Variants in ALDH5A1 observed in about 807,000 individuals in gnomAD.
ALDH5A1 encodes succinate-semialdehyde dehydrogenase, mitochondrial.
In ALDH5A1, 33 loss-of-function variants were observed where a neutral mutation model predicts 54.7. That is an observed-to-expected ratio of 0.60 (90% CI 0.46 to 0.81). The LOEUF (loss-of-function observed/expected upper bound fraction) is 0.81, where lower values mean the gene tolerates loss of function less well. Among genes scored for constraint, ALDH5A1 ranks in the 30% least tolerant of loss-of-function variants. ALDH5A1 has a pLI of 0.00. For missense variants in ALDH5A1, 657 were observed against 711.0 expected, an observed-to-expected ratio of 0.92 and a Z score of 0.86; for synonymous variants, 294 against 292.7, an observed-to-expected ratio of 1.00 and a Z score of -0.05.
chr6:24,529,765 G>A (rs1485016414), intron 8 of ALDH5A1, among the ~76,000 whole-genome samples: 1 of 64,998 alleles, frequency 1.5e-5, no homozygotes, highest in African/African-American at 3.3e-5. Flanking sequence ...TCTGCCTCTT[G>A]GGTTCAAGCG....
intron 4 of ALDH5A1, among the ~76,000 whole-genome samples, chr6:24,510,532 C>T (rs1341123996): frequency 2.6e-5 from 4 of 152,112 alleles, no homozygotes; most frequent in South Asian, 2.1e-4. Flanking sequence ...TCCTGTTGAA[C>T]GAGGCCTTTT....
At chr6:24,499,936 G>A (rs940607323) in intron 1 of ALDH5A1, among the ~76,000 whole-genome samples, 19 of 152,000 alleles carry the variant, frequency 1.3e-4, no homozygotes, top group African/African-American at 4.4e-4. Flanking sequence ...TGGGATTACA[G>A]GCACGAGCCA....
Position 24,520,446 on chromosome 6 carries a change from G to A in ALDH5A1, c.916G>A (p.Glu306Lys). 1.2e-6 allele frequency: 2 copies of A among 1,614,150 alleles called. No individual in the cohort carries two copies. Among genetic ancestry groups the A allele is most frequent in the Non-Finnish European group, 1.7e-6 (2 of 1,180,030 alleles). ...AAACTCTGTGAAAAGGGTCTCTATG[G>A]AGCTGGGCGGCCTTGCTCCATTTAT... is the stretch of plus-strand genomic sequence containing the variant. ...AANSVKRVSM[E>K]LGGLAPFIVF... is the part of the protein sequence containing the mutation. The change falls in exon 6 of 10, where the codon GAG becomes AAG. Residue 306 changes from glutamate to lysine, a missense_variant. By Grantham distance (56) the Glu-to-Lys change is moderately conservative. Coordinates refer to ENST00000357578, the MANE Select transcript of ALDH5A1 (RefSeq NM_001080.3).
intron 7 of ALDH5A1, among the ~76,000 whole-genome samples, chr6:24,526,903 A>ATATATATT (rs1491310996): frequency 1.6e-5 from 1 of 62,254 alleles, no homozygotes; most frequent in African/African-American, 4.2e-5. Context: ...ATATATATCT[A>ATATATATT]CTATATATAT....
intron 1 of ALDH5A1, among the ~76,000 whole-genome samples, chr6:24,500,957 A>G (rs897608959): frequency 6.6e-6 from 1 of 152,166 alleles, no homozygotes. Flanking sequence ...AAAAGTCTGT[A>G]TGGCATGACA....
chr6:24,511,137 C>T (rs755477295), intron 4 of ALDH5A1, among the ~76,000 whole-genome samples: 9 of 152,172 alleles, frequency 5.9e-5, no homozygotes, highest in Non-Finnish European at 1.2e-4. Flanking sequence ...TTTGAGGAGG[C>T]TGAAGATAGG....
chr6:24,512,896 G>GC (rs1759484677), intron 4 of ALDH5A1, among the ~76,000 whole-genome samples: 1 of 151,882 alleles, frequency 6.6e-6, no homozygotes, highest in Admixed American at 6.6e-5. Context: ...TGCCATGTTG[G>GC]CCAGGCTGGT....
Position 24,518,277 on chromosome 6 carries a change from A to C in ALDH5A1, c.871-2124A>C, listed in dbSNP as rs1759611385. On this transcript the variant is annotated intron_variant, in intron 5 of 9. Coordinates refer to ENST00000357578, the MANE Select transcript of ALDH5A1 (RefSeq NM_001080.3). This position sits in a 1 kb window ranked among gnomAD's most constrained non-coding sequence, Gnocchi z 4.2. ...GCTGTCTTTGGAAGCTGAGGCCCTG[A>C]GGAGGTCAGCCCATGGGAACTGGAG... 6.6e-6 allele frequency among the ~76,000 whole-genome samples: 1 copy of C among 152,240 alleles called. No homozygotes were observed. The highest frequency in any genetic ancestry group is 2.4e-5 in the African/African-American group (1 of 41,466).
At position 24,518,592 on chromosome 6, in the gene ALDH5A1, A is replaced by G. The variant is rs1046526265; in HGVS notation, c.871-1809A>G. Among the ~76,000 whole-genome samples the G allele has an allele frequency of 6.6e-6, 1 of 152,256 alleles. No homozygotes were observed. The highest frequency in any genetic ancestry group is 1.5e-5 in the Non-Finnish European group (1 of 68,040). ...AAATAAAAACATAAAAAAAGTTTAA[A>G]TAGTTATGTTGCGTCCGATAAAGAA... is the stretch of plus-strand genomic sequence containing the variant. On this transcript the variant is annotated intron_variant, in intron 5 of 9. Transcript: ENST00000357578. This position sits in a 1 kb window ranked among gnomAD's most constrained non-coding sequence, Gnocchi z 4.2.
At chr6:24,528,702 CTTT>C (rs558159398) in intron 8 of ALDH5A1, among the ~76,000 whole-genome samples, 5 of 143,146 alleles carry the variant, frequency 3.5e-5, no homozygotes, top group Non-Finnish European at 7.7e-5. Context: ...CTGCTGAACT[CTTT>C]TTTTTTTTTT....
At chr6:24,499,263 G>T (rs1764773652) in intron 1 of ALDH5A1, among the ~76,000 whole-genome samples, 1 of 152,112 alleles carries the variant, frequency 6.6e-6, no homozygotes, top group Non-Finnish European at 1.5e-5. Flanking sequence ...CTGTACTCCA[G>T]CCTGGGTGAC....
chr6:24,499,736 G>A lies in ALDH5A1; in HGVS notation c.355-2787G>A, dbSNP rs1338813441. The stretch of plus-strand genomic sequence containing the variant: ...GGCTGGAGTGCAGTGGCGCAGTCTC[G>A]GCTCAACTGCAACCTCCGCCTCCTA... On this transcript the variant is annotated intron_variant, in intron 1 of 9. Coordinates refer to ENST00000357578, the MANE Select transcript of ALDH5A1 (RefSeq NM_001080.3). Among the ~76,000 whole-genome samples, 18 of 27,462 alleles carry A rather than the reference G, an allele frequency of 6.6e-4. 1 individual carries two copies. The highest frequency in any genetic ancestry group is 1.5e-3 in the Non-Finnish European group (15 of 10,038). The allele number at this position is 27,462 out of a possible 152,430, so 18.0% of individuals were successfully genotyped here.
At chr6:24,533,357 A>G in intron 9 of ALDH5A1, 150 bp from the exon 10 acceptor site, 1 of 802,828 alleles carries the variant, frequency 1.2e-6, no homozygotes, top group South Asian at 1.5e-5. Context: ...GAAAAAGTGG[A>G]CAAGACCAAC....
At chr6:24,516,672 G>T (rs1759580929) in intron 5 of ALDH5A1, among the ~76,000 whole-genome samples, 1 of 151,926 alleles carries the variant, frequency 6.6e-6, no homozygotes, top group Non-Finnish European at 1.5e-5. Flanking sequence ...AGGCGTGGTG[G>T]CTCACACCTG....
intron 1 of ALDH5A1, 51 bp from the exon 2 acceptor site, chr6:24,502,472 G>C (rs777521787): frequency 7.6e-7 from 1 of 1,323,660 alleles, no homozygotes; most frequent in South Asian, 1.2e-5. Context: ...TTAGCATTCT[G>C]TCTTACACTT....
At chr6:24,522,607 C>T in intron 6 of ALDH5A1, 160 bp from the exon 7 acceptor site, 1 of 783,520 alleles carries the variant, frequency 1.3e-6, no homozygotes, top group Non-Finnish European at 2.1e-6. Context: ...GTGCTTTTAT[C>T]TTTGGGGCCA....
In ALDH5A1 at chr6:24,534,025, T is replaced by C; in HGVS notation, c.*313T>C. 1 of 349,890 alleles carries C rather than the reference T, an allele frequency of 2.9e-6. No homozygotes were observed. The highest frequency in any genetic ancestry group is 2.6e-5 in the South Asian group (1 of 38,384). The allele number at this position is 349,890 out of a possible 1,614,324, so 21.7% of individuals were successfully genotyped here. ...ACAGCACAAGGCAGGCCCAGCCCCA[T>C]GGGCCGTCACAAAGGCTTGATCACT... On this transcript the variant is annotated 3_prime_UTR_variant, in exon 10 of 10. Coordinates refer to ENST00000357578, the MANE Select transcript of ALDH5A1 (RefSeq NM_001080.3).
chr6:24,514,451 T>C (rs967545995), intron 4 of ALDH5A1, among the ~76,000 whole-genome samples: 15 of 152,176 alleles, frequency 9.9e-5, no homozygotes, highest in African/African-American at 3.4e-4. Context: ...TTGAAATGCA[T>C]GCTCTGGCCA....
At chr6:24,496,137 G>A (rs1764699913) in intron 1 of ALDH5A1, among the ~76,000 whole-genome samples, 1 of 152,158 alleles carries the variant, frequency 6.6e-6, no homozygotes, top group Non-Finnish European at 1.5e-5. Flanking sequence ...ATCCCTACGA[G>A]TACAAGAGAG....
Sources: gnomAD v4.1 joint callset for allele counts (sites outside exome capture counted in the v4.1 genomes callset) on GRCh38, gnomAD v4.1.1 for gene constraint, Gnocchi (gnomAD v3.1) non-coding constraint, MANE v1.5 for transcripts, NCBI Gene and HGNC (gene_info 2026-07-23, HGNC 2026-07-21) for gene names.